GALNT18: variants seen among roughly 807,000 people sequenced by gnomAD.
GALNT18 encodes GalNAc-transferase 18.
A neutral mutation model predicts 69.5 loss-of-function variants in GALNT18; 44 were observed. The ratio of observed to expected loss-of-function variants is 0.63; its 90% CI spans 0.50 to 0.81. The LOEUF is 0.81. Among genes scored for constraint, GALNT18 ranks in the 40% least tolerant of loss-of-function variants. The pLI, the probability that GALNT18 is intolerant of heterozygous loss-of-function variation, is 0.00. For missense variants in GALNT18, 715 were observed against 810.0 expected, an observed-to-expected ratio of 0.88 and a Z score of 1.42; for synonymous variants, 364 against 318.2, an observed-to-expected ratio of 1.14 and a Z score of -1.53.
chr11:11,313,144 C>G (rs11021786), intron 9 of GALNT18, among the ~76,000 whole-genome samples: 13,671 of 152,144 alleles, frequency 0.09, 785 homozygotes, highest in Non-Finnish European at 0.13. Context: ...GGCTTTGGCT[C>G]TAATGCTCGG....
chr11:11,275,202 A>G (rs998133418), intron 10 of GALNT18, among the ~76,000 whole-genome samples: 4 of 152,194 alleles, frequency 2.6e-5, no homozygotes, highest in African/African-American at 4.8e-5. Context: ...CCTCTCTAGC[A>G]TCTGTTGTTT....
intron 1 of GALNT18, among the ~76,000 whole-genome samples, chr11:11,457,623 C>T (rs1446146355): frequency 6.6e-6 from 1 of 152,240 alleles, no homozygotes; most frequent in African/African-American, 2.4e-5. Context: ...GCTCACCTGG[C>T]TGAGGACCCC....
rs1035670938 is a variant in GALNT18 at position 11,511,818 on chromosome 11, G to A, written c.236-62882C>T. On this transcript the variant is annotated intron_variant, in intron 1 of 10. Coordinates refer to ENST00000227756, the MANE Select transcript of GALNT18 (RefSeq NM_198516.3). This position sits in a 1 kb window ranked among gnomAD's most constrained non-coding sequence, Gnocchi z 4.9. Reference sequence around the variant, plus strand: ...TTGGCAGTAAACAACCCAGAAGAGGGCCCTCACCAGACCCGGACCACACTG... The same window carrying A: ...TTGGCAGTAAACAACCCAGAAGAGGACCCTCACCAGACCCGGACCACACTG... Among the ~76,000 whole-genome samples, 7 of 152,080 alleles carry A rather than the reference G, an allele frequency of 4.6e-5. No homozygotes were observed. Among genetic ancestry groups the A allele is most frequent in the Non-Finnish European group, 8.8e-5 (6 of 68,012 alleles).
intron 3 of GALNT18, among the ~76,000 whole-genome samples, chr11:11,423,094 ACC>A (rs1855047995): frequency 6.6e-6 from 1 of 152,142 alleles, no homozygotes; most frequent in African/African-American, 2.4e-5. Context: ...GTCCGCATCC[ACC>A]CACAAGCACA....
intron 10 of GALNT18, among the ~76,000 whole-genome samples, chr11:11,276,842 C>G (rs12787109): frequency 6.6e-6 from 1 of 151,774 alleles, no homozygotes; most frequent in African/African-American, 2.4e-5. Flanking sequence ...GAACCAGCCT[C>G]GCAGCCCAGG....
chr11:11,278,413 AGAT>A (rs1848994347), intron 10 of GALNT18, among the ~76,000 whole-genome samples: 1 of 151,934 alleles, frequency 6.6e-6, no homozygotes, highest in Admixed American at 6.6e-5. Context: ...TACCTAATGT[AGAT>A]GATGGGTTGA....
intron 1 of GALNT18, among the ~76,000 whole-genome samples, chr11:11,485,243 T>C (rs1319724522): frequency 1.3e-5 from 2 of 152,192 alleles, no homozygotes; most frequent in South Asian, 2.1e-4. Context: ...TACCATTGGT[T>C]GAGGGCTAAG....
At position 11,332,918 on chromosome 11, in the gene GALNT18, C is replaced by T. The variant is rs543539814; in HGVS notation, c.1279-87G>A. On this transcript the variant is annotated intron_variant, in intron 7 of 10. Coordinates refer to ENST00000227756, the MANE Select transcript of GALNT18 (RefSeq NM_198516.3). The surrounding 1 kb of genome is among the most constrained non-coding windows in gnomAD (Gnocchi z 4.3). ...CTACTTTGGCATGACCTTGTGCCCC[C>T]AACAAGATTCCTAGAGACTGGGGAA... 6.8e-4 allele frequency: 988 copies of T among 1,453,818 alleles called. 4 individuals are homozygous for T. The African/African-American group carries it at 0.011, about 16-fold the overall frequency. The allele number at this position is 1,453,818 out of a possible 1,614,324, so 90.1% of individuals were successfully genotyped here. A position where few individuals can be genotyped will look rare whatever the true frequency, so the allele number is the denominator to read the frequency against.
intron 1 of GALNT18, among the ~76,000 whole-genome samples, chr11:11,473,688 G>A (rs1372091073): frequency 6.6e-6 from 1 of 152,206 alleles, no homozygotes; most frequent in Non-Finnish European, 1.5e-5. Flanking sequence ...AGAGAAGCAA[G>A]TTCACTTCTA....
chr11:11,404,360 G>T lies in GALNT18; in HGVS notation c.596-25096C>A, dbSNP rs1246015394. Among the ~76,000 whole-genome samples the T allele has an allele frequency of 6.6e-6, 1 of 152,174 alleles. No individual in the cohort carries two copies. Among genetic ancestry groups the T allele is most frequent in the African/African-American group, 2.4e-5 (1 of 41,430 alleles). On this transcript the variant is annotated intron_variant, in intron 3 of 10. Transcript: ENST00000227756. The surrounding 1 kb of genome is among the most constrained non-coding windows in gnomAD (Gnocchi z 4.5). ...ATATTAGTTGGATTCAACTTCGGCTGCTTTTATTCTCTCACCCTCCCTAGG... is the reference window on the plus strand; with the variant it reads ...ATATTAGTTGGATTCAACTTCGGCTTCTTTTATTCTCTCACCCTCCCTAGG...
In GALNT18 at chr11:11,540,235, A is replaced by G. The variant is rs766222500; in HGVS notation, c.235+81124T>C. ...GTCAGTTCTGTCTCCTTAGCAAGCT[A>G]TCTTCTCAAGGGCTTAGAAGGCGTC... On this transcript the variant is annotated intron_variant, in intron 1 of 10. Coordinates refer to ENST00000227756, the MANE Select transcript of GALNT18 (RefSeq NM_198516.3). This position sits in a 1 kb window ranked among gnomAD's most constrained non-coding sequence, Gnocchi z 4.6. 1.7e-4 allele frequency among the ~76,000 whole-genome samples: 26 copies of G among 152,350 alleles called. No individual in the cohort carries two copies. The highest frequency in any genetic ancestry group is 3.4e-3 in the Middle Eastern group (1 of 294).
At chr11:11,530,292 G>T (rs1355967747) in intron 1 of GALNT18, among the ~76,000 whole-genome samples, 1 of 152,146 alleles carries the variant, frequency 6.6e-6, no homozygotes, top group Admixed American at 6.5e-5. Context: ...GTGAACAAAT[G>T]CCCTCTGTCC....
chr11:11,588,603 A>G (rs1043760480), intron 1 of GALNT18, among the ~76,000 whole-genome samples: 20 of 152,098 alleles, frequency 1.3e-4, no homozygotes, highest in Non-Finnish European at 5.9e-5. Context: ...CTGGATGAAG[A>G]CTCAGGGGTG....
intron 1 of GALNT18, among the ~76,000 whole-genome samples, chr11:11,568,825 G>A (rs1858714752): frequency 6.6e-6 from 1 of 152,228 alleles, no homozygotes; most frequent in African/African-American, 2.4e-5. Context: ...TTTCCTTGGA[G>A]ATGTCTTAGC....
chr11:11,484,680 G>C (rs567966297), intron 1 of GALNT18, among the ~76,000 whole-genome samples: 33 of 151,588 alleles, frequency 2.2e-4, no homozygotes, highest in African/African-American at 8.0e-4. Context: ...TGATGGAATG[G>C]ACACTAGATG....
intron 3 of GALNT18, among the ~76,000 whole-genome samples, chr11:11,388,227 T>A (rs575388531): frequency 1.3e-5 from 2 of 152,238 alleles, no homozygotes; most frequent in African/African-American, 2.4e-5. Flanking sequence ...AGGGCATTCG[T>A]GGCCACCAAA....
chr11:11,308,053 T>C (rs1186562461), intron 9 of GALNT18, among the ~76,000 whole-genome samples: 1 of 152,190 alleles, frequency 6.6e-6, no homozygotes, highest in Admixed American at 6.5e-5. Context: ...TCCTCCCAGT[T>C]CTCATGGAAC....
chr11:11,396,472 C>T lies in GALNT18; in HGVS notation c.596-17208G>A, dbSNP rs995173761. ...GTGTGGGAGGTACCGATGAATCAGA[C>T]GAGGAAACTATCCAGATGGGAGCTG... On this transcript the variant is annotated intron_variant, in intron 3 of 10. Coordinates refer to ENST00000227756, the MANE Select transcript of GALNT18 (RefSeq NM_198516.3). The surrounding 1 kb of genome is among the most constrained non-coding windows in gnomAD (Gnocchi z 5.2). Among the ~76,000 whole-genome samples the T allele has an allele frequency of 2.6e-5, 4 of 152,104 alleles. No individual in the cohort carries two copies. The highest frequency in any genetic ancestry group is 4.4e-5 in the Non-Finnish European group (3 of 68,016).
intron 6 of GALNT18, among the ~76,000 whole-genome samples, chr11:11,343,165 G>A (rs1220643829): frequency 1.3e-5 from 2 of 151,976 alleles, no homozygotes; most frequent in African/African-American, 2.4e-5. Context: ...GTAACATGGT[G>A]AGACCTCATC....
Sources: gnomAD v4.1 joint callset for allele counts (sites outside exome capture counted in the v4.1 genomes callset) on GRCh38, gnomAD v4.1.1 for gene constraint, Gnocchi (gnomAD v3.1) non-coding constraint, MANE v1.5 for transcripts, NCBI Gene and HGNC (gene_info 2026-07-23, HGNC 2026-07-21) for gene names.